Variants in PRKCE observed in about 807,000 individuals in gnomAD.
The protein encoded by PRKCE is protein kinase C epsilon.
PRKCE carries 16 observed loss-of-function variants against 85.4 expected under a neutral mutation model. The ratio of observed to expected loss-of-function variants is 0.19; its 90% CI spans 0.13 to 0.28. The LOEUF is 0.28. Ranked by LOEUF, PRKCE falls within the 10% of genes least tolerant of loss-of-function variation. The pLI is 1.00. For missense variants in PRKCE, 573 were observed against 975.2 expected (o/e 0.59, Z 5.49); for synonymous variants, 388 against 371.5 (o/e 1.04, Z -0.51).
chr2:46,080,838 G>A (rs147286651), intron 10 of PRKCE, among the ~76,000 whole-genome samples: 81 of 152,250 alleles, frequency 5.3e-4, no homozygotes, highest in Admixed American at 1.6e-3. Context: ...CAAATACTGG[G>A]GTGTTGATAT....
chr2:46,012,125 T>G (rs1357123331), intron 10 of PRKCE, among the ~76,000 whole-genome samples: 1 of 152,236 alleles, frequency 6.6e-6, no homozygotes, highest in Admixed American at 6.5e-5. Context: ...TTCTTCTTTT[T>G]TCCACTAGAG....
chr2:46,040,404 C>G (rs955194322), intron 10 of PRKCE, among the ~76,000 whole-genome samples: 22 of 152,164 alleles, frequency 1.4e-4, no homozygotes, highest in African/African-American at 5.3e-4. Context: ...ACCGTGAATA[C>G]CTTAGGATAG....
At chr2:45,898,397 C>A (rs1696314633) in intron 2 of PRKCE, among the ~76,000 whole-genome samples, 1 of 152,172 alleles carries the variant, frequency 6.6e-6, no homozygotes, top group Non-Finnish European at 1.5e-5. Flanking sequence ...CAGTGGGTAA[C>A]AGAGAGCAGC....
intron 10 of PRKCE, among the ~76,000 whole-genome samples, chr2:46,082,152 C>T (rs996793105): frequency 2.0e-5 from 3 of 152,016 alleles, no homozygotes; most frequent in Non-Finnish European, 4.4e-5. Context: ...ATTTCTGTTT[C>T]GGCAAGGTCC....
chr2:45,734,779 G>A (rs951044509), intron 1 of PRKCE, among the ~76,000 whole-genome samples: 1 of 152,120 alleles, frequency 6.6e-6, no homozygotes, highest in African/African-American at 2.4e-5. Context: ...TTGCAGCTGC[G>A]CCCCTCCTCC....
At chr2:45,700,890 T>C (rs1176919965) in intron 1 of PRKCE, among the ~76,000 whole-genome samples, 1 of 152,192 alleles carries the variant, frequency 6.6e-6, no homozygotes, top group African/African-American at 2.4e-5. Flanking sequence ...AGATAGGAGC[T>C]GTGCTCCCGT....
rs1351445092 is a variant in PRKCE, at chr2:45,905,572, C to T, written c.412+62509C>T. On this transcript the variant is annotated intron_variant, in intron 2 of 14. Transcript: ENST00000306156. This position sits in a 1 kb window ranked among gnomAD's most constrained non-coding sequence, Gnocchi z 4.4. ...CCTGTGAGCTTTCCTAAAAGCTGGG[C>T]AAAGCAGGGCTTTCACCGGGCTCTG... Among the ~76,000 whole-genome samples the T allele has an allele frequency of 6.6e-6, 1 of 152,204 alleles. No homozygotes were observed. Among genetic ancestry groups the T allele is most frequent in the Non-Finnish European group, 1.5e-5 (1 of 68,038 alleles).
At chr2:45,771,209 A>G (rs571170280) in intron 1 of PRKCE, among the ~76,000 whole-genome samples, 3 of 152,284 alleles carry the variant, frequency 2.0e-5, no homozygotes, top group African/African-American at 7.2e-5. Context: ...AAAGATGGTG[A>G]TGCTAGGGAA....
chr2:45,746,299 T>A (rs1683131778), intron 1 of PRKCE, among the ~76,000 whole-genome samples: 1 of 152,242 alleles, frequency 6.6e-6, no homozygotes, highest in Non-Finnish European at 1.5e-5. Context: ...TCTCTGGGTA[T>A]CTAATAGGCT....
chr2:45,711,787 G>A (rs1679662782), intron 1 of PRKCE, among the ~76,000 whole-genome samples: 1 of 152,126 alleles, frequency 6.6e-6, no homozygotes, highest in South Asian at 2.1e-4. Flanking sequence ...ACCATGCCCA[G>A]CTAATTTTTC....
intron 10 of PRKCE, among the ~76,000 whole-genome samples, chr2:46,025,725 C>T (rs1004508137): frequency 9.9e-5 from 15 of 152,212 alleles, no homozygotes; most frequent in Admixed American, 2.0e-4. Context: ...AGCACAGTGG[C>T]AAGGTCCCAT....
At chr2:45,671,342 T>C (rs888939173) in intron 1 of PRKCE, among the ~76,000 whole-genome samples, 18 of 152,360 alleles carry the variant, frequency 1.2e-4, no homozygotes, top group Admixed American at 1.0e-3. Context: ...CACCTGGATG[T>C]CTTGCTTTTT....
chr2:45,760,675 G>A (rs898509252), intron 1 of PRKCE, among the ~76,000 whole-genome samples: 2 of 152,174 alleles, frequency 1.3e-5, no homozygotes, highest in African/African-American at 4.8e-5. Flanking sequence ...TTGAAGACGA[G>A]ACTGAAGACA....
chr2:46,091,094 C>G (rs543621203), intron 11 of PRKCE, among the ~76,000 whole-genome samples: 3 of 151,994 alleles, frequency 2.0e-5, no homozygotes. Context: ...TCCCCCTAGA[C>G]AGCAGAGGGT....
intron 10 of PRKCE, among the ~76,000 whole-genome samples, chr2:46,030,741 A>C (rs13024806): frequency 0.14 from 21,785 of 152,190 alleles, 1,614 homozygotes; most frequent in Middle Eastern, 0.17. Context: ...ATTCGCTTAA[A>C]CGACTTTTCC....
At chr2:46,086,013 A>G (rs1371973838) in intron 10 of PRKCE, among the ~76,000 whole-genome samples, 195 bp from the exon 11 acceptor site, 1 of 152,162 alleles carries the variant, frequency 6.6e-6, no homozygotes, top group Non-Finnish European at 1.5e-5. Flanking sequence ...AAAAAGTAAA[A>G]TTGTGCTTCA....
chr2:45,841,456 A>G (rs962515809), intron 1 of PRKCE, among the ~76,000 whole-genome samples: 13 of 152,252 alleles, frequency 8.5e-5, no homozygotes, highest in African/African-American at 2.9e-4. Context: ...ATCCAGCACA[A>G]GAGAAAGATG....
chr2:45,910,586 A>G (rs1168113793), intron 2 of PRKCE, among the ~76,000 whole-genome samples: 2 of 152,156 alleles, frequency 1.3e-5, no homozygotes, highest in Non-Finnish European at 2.9e-5. Flanking sequence ...AGCCTTGGTT[A>G]CTTCACACTT....
intron 2 of PRKCE, among the ~76,000 whole-genome samples, chr2:45,893,065 G>A (rs1695856207): frequency 6.6e-6 from 1 of 152,118 alleles, no homozygotes. Flanking sequence ...GACTGTTTGC[G>A]ACCCTCACAG....
Sources: gnomAD v4.1 joint callset for allele counts (sites outside exome capture counted in the v4.1 genomes callset) on GRCh38, gnomAD v4.1.1 for gene constraint, Gnocchi (gnomAD v3.1) non-coding constraint, MANE v1.5 for transcripts, NCBI Gene and HGNC (gene_info 2026-07-23, HGNC 2026-07-21) for gene names.